UPB1: variants seen among roughly 807,000 people sequenced by gnomAD.
The protein encoded by UPB1 is beta-ureidopropionase 1.
Under a neutral mutation model 49.1 loss-of-function variants are expected in UPB1, and 40 were observed. The observed-to-expected ratio is 0.81, with a 90% CI of 0.63 to 1.06. The LOEUF (loss-of-function observed/expected upper bound fraction) is 1.06. UPB1 is among the 50% of genes least tolerant of loss of function. UPB1 has a pLI of 0.00. For missense variants in UPB1, 499 were observed against 505.9 expected, an observed-to-expected ratio of 0.99 and a Z score of 0.13; for synonymous variants, 207 against 198.2, an observed-to-expected ratio of 1.04 and a Z score of -0.38.
intron 3 of UPB1, among the ~76,000 whole-genome samples, chr22:24,509,225 C>T (rs1368279455): frequency 6.6e-6 from 1 of 152,172 alleles, no homozygotes; most frequent in Non-Finnish European, 1.5e-5. Context: ...GCATTAGGCA[C>T]ATAGCCAAAG....
rs181261830 is a variant in UPB1 at position 24,524,828 on chromosome 22, C to T, written c.1072-883C>T. On this transcript the variant is annotated intron_variant, in intron 9 of 9. Transcript: ENST00000326010. ...ATAAGCAAATTGTATATGCAAATGTCCATTGTTATAACTGACTTTGCCCGG... is the reference window on the plus strand; with the variant it reads ...ATAAGCAAATTGTATATGCAAATGTTCATTGTTATAACTGACTTTGCCCGG... Among the ~76,000 whole-genome samples the T allele has an allele frequency of 4.6e-3, 693 of 152,262 alleles. 6 individuals carry two copies. The highest frequency in any genetic ancestry group is 3.6e-3 in the Non-Finnish European group (248 of 68,010).
Position 24,522,015 on chromosome 22 carries a change from A to G in UPB1, c.903A>G (p.Gly301=), listed in dbSNP as rs202171848. The G allele has an allele frequency of 1.0e-4, 162 of 1,614,036 alleles. 1 individual carries two copies. The highest frequency in any genetic ancestry group is 9.5e-5 in the Non-Finnish European group (112 of 1,179,990). The stretch of plus-strand genomic sequence containing the variant: ...ACTTCCCGAACGAGTTTACCTCGGG[A>G]GATGGAAAGAAAGGTATGTCCCATG... The part of the protein sequence containing the change: ...TEHFPNEFTS[G]DGKKAHQDFG... The change falls in exon 8 of 10, where the codon GGA becomes GGG. Residue 301 remains glycine, a synonymous_variant. Coordinates refer to ENST00000326010, the MANE Select transcript of UPB1 (RefSeq NM_016327.3).
At chr22:24,508,797 C>T (rs913692461) in intron 3 of UPB1, among the ~76,000 whole-genome samples, 2 of 151,852 alleles carry the variant, frequency 1.3e-5, no homozygotes, top group African/African-American at 2.4e-5. Context: ...AGAAGAATCG[C>T]TTGAACCCAG....
chr22:24,506,384 C>T (rs906230617), intron 3 of UPB1, among the ~76,000 whole-genome samples: 8 of 152,232 alleles, frequency 5.3e-5, no homozygotes, highest in Non-Finnish European at 1.0e-4. Context: ...TGCTTCCCCA[C>T]CTTCAGAGGT....
In UPB1 at chr22:24,526,876, TG is replaced by T. The variant is rs2044486407; in HGVS notation, c.*1083del. On this transcript the variant is annotated 3_prime_UTR_variant, in exon 10 of 10. Coordinates refer to ENST00000326010, the MANE Select transcript of UPB1 (RefSeq NM_016327.3). ...TTCCAGCCTGCCCTTTCTGATGGCTTGTCCTGTGGATATCAGACTTGCCTGA... is the reference window on the plus strand; with the variant it reads ...TTCCAGCCTGCCCTTTCTGATGGCTTTCCTGTGGATATCAGACTTGCCTGA... 6.6e-6 allele frequency: 1 copy of T among 152,194 alleles called. No individual in the cohort carries two copies. The highest frequency in any genetic ancestry group is 2.1e-4 in the South Asian group (1 of 4,830). 9.4% of individuals were successfully genotyped at this position (152,194 alleles called of 1,614,324 possible).
chr22:24,520,227 G>A (rs2044363511), intron 6 of UPB1, 160 bp from the exon 7 acceptor site: 1 of 788,048 alleles, frequency 1.3e-6, no homozygotes, highest in African/African-American at 1.7e-5. Flanking sequence ...GAGTCTCCTG[G>A]TTGTCCCCAC....
chr22:24,526,017 T>A lies in UPB1; in HGVS notation c.*223T>A, dbSNP rs1419818993. ...TGTTTGGGGACTAGGTAGAGGTGAA[T>A]GTACTAAATGCCACTGAATTTGTAT... On this transcript the variant is annotated 3_prime_UTR_variant, in exon 10 of 10. Transcript: ENST00000326010. 5.1e-6 allele frequency: 3 copies of A among 583,214 alleles called. No individual in the cohort carries two copies. The highest frequency in any genetic ancestry group is 9.2e-6 in the Non-Finnish European group (3 of 326,038). The allele number at this position is 583,214 out of a possible 1,614,324, so 36.1% of individuals were successfully genotyped here.
chr22:24,511,563 T>C (rs2044201540), intron 4 of UPB1, among the ~76,000 whole-genome samples: 1 of 151,516 alleles, frequency 6.6e-6, no homozygotes, highest in Admixed American at 6.6e-5. Context: ...CTACTGTACT[T>C]GACCAATCTT....
At position 24,515,330 on chromosome 22, in the gene UPB1, G is replaced by A; in HGVS notation, c.751G>A (p.Glu251Lys). ...NWLMYSINGA[E>K]IIFNPSATIG... is the part of the protein sequence containing the mutation. ...GCTTATGTACAGCATCAACGGGGCT[G>A]AGATCATCTTCAACCCCTCGGCCAC... is the stretch of plus-strand genomic sequence containing the variant. The change falls in exon 6 of 10, where the codon GAG (glutamate) becomes AAG (lysine). Residue 251 changes from glutamate to lysine, a missense_variant. Glu to Lys is a moderately conservative substitution (Grantham distance 56). Coordinates refer to ENST00000326010, the MANE Select transcript of UPB1 (RefSeq NM_016327.3). 1 of 1,614,184 alleles carries A rather than the reference G, an allele frequency of 6.2e-7. No individual in the cohort carries two copies. Among genetic ancestry groups the A allele is most frequent in the Non-Finnish European group, 8.5e-7 (1 of 1,180,038 alleles).
At chr22:24,521,204 A>G (rs2044385340) in intron 7 of UPB1, among the ~76,000 whole-genome samples, 1 of 136,308 alleles carries the variant, frequency 7.3e-6, no homozygotes, top group South Asian at 2.5e-4. Context: ...AAAAAAGGCC[A>G]GGTGCGGACG....
intron 5 of UPB1, among the ~76,000 whole-genome samples, chr22:24,513,888 G>A (rs114123462): frequency 0.02 from 3,015 of 152,270 alleles, 108 homozygotes; most frequent in African/African-American, 0.069. Flanking sequence ...GTCCTTGTTT[G>A]GAGCATGGCA....
chr22:24,496,672 T>C (rs1451775591), intron 1 of UPB1, among the ~76,000 whole-genome samples: 1 of 152,036 alleles, frequency 6.6e-6, no homozygotes, highest in Non-Finnish European at 1.5e-5. Flanking sequence ...TGAGCTGCCC[T>C]GGAGATGGTC....
intron 7 of UPB1, among the ~76,000 whole-genome samples, chr22:24,520,943 G>A (rs899380832): frequency 6.6e-6 from 1 of 152,080 alleles, no homozygotes; most frequent in Non-Finnish European, 1.5e-5. Context: ...AACACTTTGG[G>A]AATCCGAGGC....
intron 8 of UPB1, 85 bp downstream of exon 8, chr22:24,522,113 GCCACA>G: frequency 6.6e-7 from 1 of 1,505,134 alleles, no homozygotes; most frequent in Non-Finnish European, 9.2e-7. Flanking sequence ...GTCAGGATCT[GCCACA>G]CAGATCACAT....
chr22:24,502,527 C>T (rs1257450245), intron 3 of UPB1: 2 of 779,954 alleles, frequency 2.6e-6, no homozygotes, highest in South Asian at 2.7e-5. Context: ...CTCCTGTGCC[C>T]TCCTGACCAG....
chr22:24,512,998 A>C (rs569920269), intron 4 of UPB1, among the ~76,000 whole-genome samples: 4 of 152,206 alleles, frequency 2.6e-5, no homozygotes, highest in African/African-American at 9.7e-5. Context: ...TGCGTTTGCA[A>C]ATCTCTTCTG....
In UPB1 at chr22:24,504,946, GCC is replaced by G. The variant is rs1382085084; in HGVS notation, c.364+2735_364+2736del. On this transcript the variant is annotated intron_variant, in intron 3 of 9. Coordinates refer to ENST00000326010, the MANE Select transcript of UPB1 (RefSeq NM_016327.3). ...TTTTTGTAAAGATGAGATCTGTGTT[GCC>G]CAGGCAGGTCTCAAATTCCTGGGCC... 5.8e-5 allele frequency among the ~76,000 whole-genome samples: 6 copies of G among 104,334 alleles called. No homozygotes were observed. The East Asian group carries it at 1.6e-3, about 28-fold the overall frequency. 68.4% of individuals were successfully genotyped at this position (104,334 alleles called of 152,430 possible).
At chr22:24,499,971 C>A in intron 1 of UPB1, 136 bp from the exon 2 acceptor site, 1 of 1,320,316 alleles carries the variant, frequency 7.6e-7, no homozygotes, top group Non-Finnish European at 1.1e-6. Context: ...CTCCCTTGGG[C>A]CCTGGCACTG....
rs529059518 is a variant in UPB1, at chr22:24,522,000, C to G, written c.888C>G (p.Asn296Lys). ...INRVGTEHFP[N>K]EFTSGDGKKA... The stretch of plus-strand genomic sequence containing the variant: ...TTATTTCACAGGAGCACTTCCCGAA[C>G]GAGTTTACCTCGGGAGATGGAAAGA... Residue 296 changes from asparagine to lysine, a missense_variant, in exon 8 of 10, where the codon AAC becomes AAG. Asn to Lys is a moderately conservative substitution (Grantham distance 94, BLOSUM62 0). Coordinates refer to ENST00000326010, the MANE Select transcript of UPB1 (RefSeq NM_016327.3). The G allele has an allele frequency of 6.2e-7, 1 of 1,613,988 alleles. No individual in the cohort carries two copies. The highest frequency in any genetic ancestry group is 2.2e-5 in the East Asian group (1 of 44,880).
Sources: gnomAD v4.1 joint callset for allele counts (sites outside exome capture counted in the v4.1 genomes callset) on GRCh38, gnomAD v4.1.1 for gene constraint, MANE v1.5 for transcripts, NCBI Gene and HGNC (gene_info 2026-07-23, HGNC 2026-07-21) for gene names.